The following NAGLU variants were observed in gnomAD, a reference collection of about 807,000 sequenced individuals.
NAGLU encodes the protein N-acetyl-alpha-glucosaminidase.
A neutral mutation model predicts 43.4 loss-of-function variants in NAGLU; 34 were observed. The ratio of observed to expected loss-of-function variants is 0.78; its 90% CI spans 0.60 to 1.04. The LOEUF is 1.04. NAGLU is among the 50% of genes least tolerant of loss of function. The pLI is 0.00. For synonymous variants in NAGLU, 425 were observed against 437.6 expected, an observed-to-expected ratio of 0.97 and a Z score of 0.36; for missense variants, 910 against 993.7, an observed-to-expected ratio of 0.92 and a Z score of 1.13.
At position 42,543,961 on chromosome 17, in the gene NAGLU, A is replaced by T; in HGVS notation, c.1955A>T (p.Glu652Val). The T allele has an allele frequency of 6.2e-7, 1 of 1,610,284 alleles. No individual in the cohort carries two copies. The highest frequency in any genetic ancestry group is 8.5e-7 in the Non-Finnish European group (1 of 1,178,288). ...SRYQLTLWGP[E>V]GNILDYANKQ... The stretch of plus-strand genomic sequence containing the variant: ...TACCAGCTGACCTTGTGGGGGCCAG[A>T]AGGCAACATCCTGGACTATGCCAAC... Residue 652 changes from glutamate (E) to valine (V), a missense_variant, in exon 6 of 6, where the codon GAA (glutamate) becomes GTA (valine). Transcript: ENST00000225927.
chr17:42,537,570 A>T, intron 2 of NAGLU, 25 bp downstream of exon 2: 1 of 1,611,252 alleles, frequency 6.2e-7, no homozygotes, highest in Non-Finnish European at 8.5e-7. Context: ...TCCCTTCCCC[A>T]CCCTCCTCTA....
chr17:42,542,731 T>C (rs1353621955), intron 5 of NAGLU, among the ~76,000 whole-genome samples: 2 of 152,224 alleles, frequency 1.3e-5, no homozygotes, highest in South Asian at 2.1e-4. Flanking sequence ...TGGGCTCAAG[T>C]GATCCACCTG....
chr17:42,536,673 C>A lies in NAGLU; in HGVS notation c.383+18C>A. ...CCCAACAGGTACCGCCCCGAAGCTT[C>A]CCCGCGTCCGCCCGAGGCGCTTACC... On this transcript the variant is annotated intron_variant, in intron 1 of 5. Coordinates refer to ENST00000225927, the MANE Select transcript of NAGLU (RefSeq NM_000263.4). 6.7e-7 allele frequency: 1 copy of A among 1,483,566 alleles called. No individual in the cohort carries two copies. The highest frequency in any genetic ancestry group is 8.9e-7 in the Non-Finnish European group (1 of 1,120,998). 91.9% of individuals were successfully genotyped at this position (1,483,566 alleles called of 1,614,324 possible).
chr17:42,538,518 G>C (rs376002927), intron 3 of NAGLU, 33 bp downstream of exon 3: 1 of 1,613,626 alleles, frequency 6.2e-7, no homozygotes, highest in Non-Finnish European at 8.5e-7. Context: ...GGGCAGAATC[G>C]GTGATAGATG....
chr17:42,541,353 GC>G, intron 5 of NAGLU, 147 bp downstream of exon 5: 2 of 1,265,784 alleles, frequency 1.6e-6, no homozygotes, highest in Non-Finnish European at 2.2e-6. Context: ...GTGTACACAT[GC>G]GTTGTCTCAG....
At position 42,544,149 on chromosome 17, in the gene NAGLU, T is replaced by C; in HGVS notation, c.2143T>C (p.Tyr715His). Reference protein sequence around the residue: ...EQAFVLSKQRYPSQPRGDTVD... With the variant: ...EQAFVLSKQRHPSQPRGDTVD... ...GGCCTTCGTTCTCAGCAAGCAGAGG[T>C]ACCCCAGCCAGCCGCGAGGAGACAC... Residue 715 changes from tyrosine to histidine, a missense_variant, in exon 6 of 6, where the codon TAC becomes CAC. Physicochemically the swap from Tyr to His is moderately conservative, Grantham distance 83. Coordinates refer to ENST00000225927, the MANE Select transcript of NAGLU (RefSeq NM_000263.4). 2 of 1,613,886 alleles carry C rather than the reference T, an allele frequency of 1.2e-6. No individual in the cohort carries two copies. The highest frequency in any genetic ancestry group is 1.6e-4 in the Middle Eastern group (1 of 6,062).
In NAGLU at chr17:42,543,742, C is replaced by T. The variant is rs867647405; in HGVS notation, c.1736C>T (p.Ala579Val). Residue 579 changes from alanine to valine, a missense_variant, in exon 6 of 6, where the codon GCA becomes GTA. Transcript: ENST00000225927. ...QELVSLYYEE[A>V]RSAYLSKELA... The stretch of plus-strand genomic sequence containing the variant: ...CTGGTCAGCTTGTACTATGAGGAGG[C>T]AAGAAGCGCCTACCTGAGCAAGGAG... The T allele has an allele frequency of 2.5e-6, 4 of 1,611,194 alleles. No homozygotes were observed. The highest frequency in any genetic ancestry group is 3.3e-5 in the Admixed American group (2 of 59,950).
At chr17:42,540,886 T>TTGAACACTATGG in intron 4 of NAGLU, 64 bp from the exon 5 acceptor site, 1 of 1,613,450 alleles carries the variant, frequency 6.2e-7, no homozygotes. Context: ...GGCAAGGCTG[T>TTGAACACTATGG]TGAACACTAT....
chr17:42,538,453 C>G lies in NAGLU; in HGVS notation c.646C>G (p.Pro216Ala). ...NLHTWDGPLPPSWHIKQLYLQ... is the reference protein window; with the variant it reads ...NLHTWDGPLPASWHIKQLYLQ... ...GCACACCTGGGATGGCCCCCTGCCC[C>G]CCTCCTGGCACATCAAGCAGCTTTA... is the stretch of plus-strand genomic sequence containing the variant. The change falls in exon 3 of 6, where the codon CCC becomes GCC. Residue 216 changes from proline (P) to alanine (A), a missense_variant. Transcript: ENST00000225927. 1.2e-6 allele frequency: 2 copies of G among 1,614,132 alleles called. No individual in the cohort carries two copies. Among genetic ancestry groups the G allele is most frequent in the East Asian group, 2.2e-5 (1 of 44,882 alleles).
At chr17:42,542,038 C>G (rs2092922842) in intron 5 of NAGLU, among the ~76,000 whole-genome samples, 2 of 150,466 alleles carry the variant, frequency 1.3e-5, no homozygotes, top group Admixed American at 6.6e-5. Flanking sequence ...GTAGCTGGGA[C>G]TATAGGCACC....
At position 42,543,277 on chromosome 17, in the gene NAGLU, A is replaced by G. The variant is rs2092926406; in HGVS notation, c.1271A>G (p.Asn424Ser). The G allele has an allele frequency of 6.2e-7, 1 of 1,613,850 alleles. No homozygotes were observed. The highest frequency in any genetic ancestry group is 8.5e-7 in the Non-Finnish European group (1 of 1,180,050). Residue 424 changes from asparagine (N) to serine (S), a missense_variant, in exon 6 of 6, where the codon AAC becomes AGC. By Grantham distance (46) the Asn-to-Ser change is conservative. Coordinates refer to ENST00000225927, the MANE Select transcript of NAGLU (RefSeq NM_000263.4). ...HGLFGALEAV[N>S]GGPEAARLFP... ...CTTTTTGGAGCCCTAGAGGCTGTGA[A>G]CGGAGGCCCAGAAGCTGCCCGCCTC... is the stretch of plus-strand genomic sequence containing the variant.
chr17:42,538,517 C>T (rs372827739), intron 3 of NAGLU, 32 bp downstream of exon 3: 9 of 1,613,504 alleles, frequency 5.6e-6, no homozygotes, highest in Admixed American at 1.7e-5. Context: ...GGGGCAGAAT[C>T]GGTGATAGAT....
chr17:42,538,396 G>C lies in NAGLU; in HGVS notation c.589G>C (p.Ala197Pro). 1 of 1,614,234 alleles carries C rather than the reference G, an allele frequency of 6.2e-7. No individual in the cohort carries two copies. The highest frequency in any genetic ancestry group is 1.6e-4 in the Middle Eastern group (1 of 6,062). The stretch of plus-strand genomic sequence containing the variant: ...GATCAATGAGTTCTTTACTGGTCCT[G>C]CCTTCCTGGCCTGGGGGCGAATGGG... ...AEINEFFTGP[A>P]FLAWGRMGNL... The change falls in exon 3 of 6, where the codon GCC (alanine) becomes CCC (proline). Residue 197 changes from alanine (A) to proline (P), a missense_variant. Transcript: ENST00000225927.
Position 42,543,798 on chromosome 17 carries a change from C to T in NAGLU, c.1792C>T (p.Leu598=). ...CTCCCTGTTGAGGGCTGGAGGCGTC[C>T]TGGCCTATGAGCTGCTGCCGGCACT... ...LASLLRAGGV[L]AYELLPALDE... The change falls in exon 6 of 6, where the codon CTG becomes TTG. Residue 598 remains leucine (L), a synonymous_variant. Transcript: ENST00000225927. 6.2e-7 allele frequency: 1 copy of T among 1,608,488 alleles called. No homozygotes were observed. The highest frequency in any genetic ancestry group is 1.1e-5 in the South Asian group (1 of 90,426).
intron 3 of NAGLU, 57 bp downstream of exon 3, chr17:42,538,542 G>A (rs2143087352): frequency 6.2e-7 from 1 of 1,613,326 alleles, no homozygotes; most frequent in Non-Finnish European, 8.5e-7. Context: ...ATGGGCCCAG[G>A]AAGGGTGGTA....
Position 42,537,398 on chromosome 17 carries a change from G to A in NAGLU, c.384G>A (p.Arg128=). 1 of 1,614,184 alleles carries A rather than the reference G, an allele frequency of 6.2e-7. No homozygotes were observed. Among genetic ancestry groups the A allele is most frequent in the Non-Finnish European group, 8.5e-7 (1 of 1,179,998 alleles). The change falls in exon 2 of 6, where the codon AGG becomes AGA. Residue 128 remains arginine (R), a splice_region_variant and synonymous_variant. Transcript: ENST00000225927. ...PGELTEATPN[R]YRYYQNVCTQ... Reference sequence around the variant, plus strand: ...CCCCTGCTCATGACACTGCCCGCAGGTACCGCTATTACCAGAATGTGTGCA... The same window carrying A: ...CCCCTGCTCATGACACTGCCCGCAGATACCGCTATTACCAGAATGTGTGCA...
Position 42,540,951 on chromosome 17 carries a change from G to A in NAGLU, c.766G>A (p.Val256Met). The A allele has an allele frequency of 6.2e-7, 1 of 1,614,170 alleles. No individual in the cohort carries two copies. Among genetic ancestry groups the A allele is most frequent in the South Asian group, 1.1e-5 (1 of 91,086 alleles). The change falls in exon 5 of 6, where the codon GTG (valine) becomes ATG (methionine). Residue 256 changes from valine (V) to methionine (M), a missense_variant and splice_region_variant. Transcript: ENST00000225927. Reference protein sequence around the residue: ...AGHVPEAVTRVFPQVNVTKMG... With the variant: ...AGHVPEAVTRMFPQVNVTKMG... ...ATCTGAGCTTTTGCTCCCCACTAGG[G>A]TGTTCCCTCAGGTCAATGTCACGAA... is the stretch of plus-strand genomic sequence containing the variant.
Position 42,537,401 on chromosome 17 carries a change from C to T in NAGLU, c.387C>T (p.Tyr129=), listed in dbSNP as rs1453761645. 7.4e-6 allele frequency: 12 copies of T among 1,614,084 alleles called. No individual in the cohort carries two copies. Among genetic ancestry groups the T allele is most frequent in the Non-Finnish European group, 9.3e-6 (11 of 1,180,006 alleles). Residue 129 remains tyrosine, a synonymous_variant, in exon 2 of 6, where the codon TAC becomes TAT. Transcript: ENST00000225927. ...GELTEATPNR[Y]RYYQNVCTQS... ...CTGCTCATGACACTGCCCGCAGGTA[C>T]CGCTATTACCAGAATGTGTGCACGC... is the stretch of plus-strand genomic sequence containing the variant.
chr17:42,539,841 G>A (rs1354824783), intron 4 of NAGLU, among the ~76,000 whole-genome samples: 1 of 152,170 alleles, frequency 6.6e-6, no homozygotes. Context: ...TTGGACGGAC[G>A]CTTGGCTAAT....
Sources: gnomAD v4.1 joint callset for allele counts (sites outside exome capture counted in the v4.1 genomes callset) on GRCh38, gnomAD v4.1.1 for gene constraint, MANE v1.5 for transcripts, NCBI Gene and HGNC (gene_info 2026-07-23, HGNC 2026-07-21) for gene names.